The following CCDC60 variants were observed in gnomAD, a reference collection of about 807,000 sequenced individuals.
CCDC60 encodes coiled-coil domain containing 60.
Under a neutral mutation model 63.5 loss-of-function variants are expected in CCDC60, and 54 were observed. The observed-to-expected ratio is 0.85, with a 90% CI of 0.68 to 1.07. CCDC60 has a LOEUF of 1.07. Ranked by LOEUF, CCDC60 falls within the 50% of genes least tolerant of loss-of-function variation. The probability of loss-of-function intolerance (pLI) is 0.00; values close to 1 mark genes in which losing one functional copy is unlikely to be tolerated. For missense variants in CCDC60, 651 were observed against 684.3 expected (o/e 0.95, Z 0.54); for synonymous variants, 206 against 238.8 (o/e 0.86, Z 1.27).
intron 1 of CCDC60, among the ~76,000 whole-genome samples, chr12:119,404,378 C>A (rs1206524719): frequency 6.6e-6 from 1 of 152,206 alleles, no homozygotes; most frequent in Non-Finnish European, 1.5e-5. Context: ...CCAGCTCCCT[C>A]ACTCCCACCA....
At chr12:119,461,777 G>GA (rs1950860844) in intron 2 of CCDC60, among the ~76,000 whole-genome samples, 2 of 152,314 alleles carry the variant, frequency 1.3e-5, no homozygotes, top group South Asian at 4.1e-4. Flanking sequence ...TGGATTTAAA[G>GA]GCGAAAACTG....
intron 1 of CCDC60, among the ~76,000 whole-genome samples, chr12:119,390,203 G>A (rs68162769): frequency 0.14 from 21,316 of 151,958 alleles, 1,770 homozygotes; most frequent in Non-Finnish European, 0.19. Context: ...CATTCCTGCC[G>A]CCCAGAACAT....
chr12:119,360,812 C>T (rs1215263714), intron 1 of CCDC60, among the ~76,000 whole-genome samples: 4 of 152,094 alleles, frequency 2.6e-5, no homozygotes, highest in African/African-American at 7.2e-5. Context: ...TGTAGCGAGC[C>T]GAGATCATGC....
chr12:119,358,840 C>T (rs185078454), intron 1 of CCDC60, among the ~76,000 whole-genome samples: 2 of 152,240 alleles, frequency 1.3e-5, no homozygotes, highest in Non-Finnish European at 2.9e-5. Context: ...TATCTGTTTA[C>T]TTCTTGAAGG....
At chr12:119,445,834 G>T (rs2136272002) in intron 2 of CCDC60, among the ~76,000 whole-genome samples, 1 of 152,296 alleles carries the variant, frequency 6.6e-6, no homozygotes, top group African/African-American at 2.4e-5. Flanking sequence ...AGTAACTCAG[G>T]AATGGAAAAC....
At chr12:119,397,294 A>G (rs1593024567) in intron 1 of CCDC60, among the ~76,000 whole-genome samples, 1 of 152,342 alleles carries the variant, frequency 6.6e-6, no homozygotes, top group East Asian at 1.9e-4. Context: ...TACTGGCTCC[A>G]GCAGCCTGCT....
At chr12:119,412,465 G>A (rs1235209538) in intron 1 of CCDC60, among the ~76,000 whole-genome samples, 1 of 152,106 alleles carries the variant, frequency 6.6e-6, no homozygotes, top group Non-Finnish European at 1.5e-5. Context: ...CAATATGAAA[G>A]GATACTTTCT....
At chr12:119,474,148 C>G (rs1951127487) in intron 3 of CCDC60, among the ~76,000 whole-genome samples, 1 of 152,202 alleles carries the variant, frequency 6.6e-6, no homozygotes, top group Non-Finnish European at 1.5e-5. Flanking sequence ...GCAATACCAC[C>G]TTACTCCTGC....
intron 1 of CCDC60, among the ~76,000 whole-genome samples, chr12:119,368,266 G>A (rs1406279052): frequency 1.3e-5 from 2 of 151,926 alleles, no homozygotes; most frequent in Admixed American, 6.6e-5. Context: ...AGAAGAAGAC[G>A]GCTCTGATGA....
chr12:119,361,519 A>G (rs924776074), intron 1 of CCDC60, among the ~76,000 whole-genome samples: 1 of 152,006 alleles, frequency 6.6e-6, no homozygotes, highest in African/African-American at 2.4e-5. Flanking sequence ...ACAGCAGGGA[A>G]AAAAAAATAA....
chr12:119,344,853 T>TCACA lies in CCDC60; in HGVS notation c.90+9588_90+9589insACAC, dbSNP rs1489223455. Among the ~76,000 whole-genome samples the TCACA allele has an allele frequency of 3.0e-3, 314 of 104,110 alleles. 1 individual carries two copies. Among genetic ancestry groups the TCACA allele is most frequent in the Non-Finnish European group, 4.7e-3 (244 of 51,524 alleles). 68.3% of individuals were successfully genotyped at this position (104,110 alleles called of 152,430 possible). ...CTCTCTCTTTCTCTCTCTCTCTCTC[T>TCACA]CTCACACACACACACACACACACAC... is the stretch of plus-strand genomic sequence containing the variant. On this transcript the variant is annotated intron_variant, in intron 1 of 13. Transcript: ENST00000327554.
At chr12:119,517,421 A>G (rs1952384798) in intron 8 of CCDC60, among the ~76,000 whole-genome samples, 1 of 152,188 alleles carries the variant, frequency 6.6e-6, no homozygotes, top group Non-Finnish European at 1.5e-5. Context: ...CTGTGTACTC[A>G]TTATTATTGT....
intron 5 of CCDC60, among the ~76,000 whole-genome samples, chr12:119,497,820 A>C (rs1309700006): frequency 1.3e-5 from 2 of 152,066 alleles, no homozygotes; most frequent in African/African-American, 4.8e-5. Flanking sequence ...TGCTAGTTTA[A>C]ATATTGTTTA....
chr12:119,432,741 A>G (rs1239673501), intron 2 of CCDC60, among the ~76,000 whole-genome samples: 2 of 152,228 alleles, frequency 1.3e-5, no homozygotes, highest in African/African-American at 4.8e-5. Flanking sequence ...AAATTATTGA[A>G]CCAATTATTA....
At chr12:119,388,704 G>A (rs143699980) in intron 1 of CCDC60, among the ~76,000 whole-genome samples, 25 of 152,204 alleles carry the variant, frequency 1.6e-4, no homozygotes, top group Admixed American at 5.2e-4. Flanking sequence ...ATTTTAAAAG[G>A]TTCTTAAGAA....
chr12:119,404,124 C>T (rs1774901606), intron 1 of CCDC60, among the ~76,000 whole-genome samples: 1 of 152,102 alleles, frequency 6.6e-6, no homozygotes, highest in Non-Finnish European at 1.5e-5. Context: ...TCTGTCTCTA[C>T]TAAAAATACA....
chr12:119,360,215 C>G (rs1955764171), intron 1 of CCDC60, among the ~76,000 whole-genome samples: 1 of 150,580 alleles, frequency 6.6e-6, no homozygotes, highest in South Asian at 2.1e-4. Flanking sequence ...GGCAGAGGGG[C>G]TCCTCACTTC....
intron 1 of CCDC60, among the ~76,000 whole-genome samples, chr12:119,377,851 C>T (rs868207479): frequency 6.6e-6 from 1 of 152,150 alleles, no homozygotes; most frequent in Non-Finnish European, 1.5e-5. Flanking sequence ...GACGTGGCAT[C>T]GTTGTCTGGG....
At chr12:119,469,662 G>A (rs140658953) in intron 2 of CCDC60, among the ~76,000 whole-genome samples, 69 of 152,330 alleles carry the variant, frequency 4.5e-4, no homozygotes, top group African/African-American at 1.5e-3. Flanking sequence ...TGTGCAGTCA[G>A]GCTACCAGGA....
Sources: gnomAD v4.1 joint callset for allele counts (sites outside exome capture counted in the v4.1 genomes callset) on GRCh38, gnomAD v4.1.1 for gene constraint, MANE v1.5 for transcripts, NCBI Gene and HGNC (gene_info 2026-07-23, HGNC 2026-07-21) for gene names.